Variants in MED12L observed in about 807,000 individuals in gnomAD.
MED12L encodes mediator complex subunit 12L.
MED12L carries 60 observed loss-of-function variants against 281.3 expected under a neutral mutation model. The ratio of observed to expected loss-of-function variants is 0.21; its 90% CI spans 0.17 to 0.26. The LOEUF is 0.26. MED12L is among the 10% of genes least tolerant of loss of function. The pLI, the probability that MED12L is intolerant of heterozygous loss-of-function variation, is 1.00. For missense variants in MED12L, 2,146 were observed against 2,680.9 expected, an observed-to-expected ratio of 0.80 and a Z score of 4.41; for synonymous variants, 974 against 987.2, an observed-to-expected ratio of 0.99 and a Z score of 0.25.
chr3:151,388,224 T>G, intron 37 of MED12L, 52 bp downstream of exon 37: 1 of 1,529,370 alleles, frequency 6.5e-7, no homozygotes, highest in Non-Finnish European at 8.7e-7. Flanking sequence ...TAGTATGAGA[T>G]TTACTCGTGC....
At chr3:151,190,354 T>A (rs1723811101) in intron 13 of MED12L, among the ~76,000 whole-genome samples, 1 of 152,070 alleles carries the variant, frequency 6.6e-6, no homozygotes, top group South Asian at 2.1e-4. Context: ...GTATTTTTGG[T>A]AGAGACGGGG....
intron 12 of MED12L, among the ~76,000 whole-genome samples, chr3:151,187,586 A>T (rs1723446106): frequency 2.0e-5 from 3 of 152,216 alleles, no homozygotes; most frequent in Admixed American, 2.0e-4. Flanking sequence ...GAATGATCAA[A>T]GGAATATAAC....
intron 5 of MED12L, among the ~76,000 whole-genome samples, chr3:151,154,358 A>T (rs1013116207): frequency 4.6e-5 from 7 of 152,208 alleles, no homozygotes; most frequent in African/African-American, 1.7e-4. Flanking sequence ...GCATATGTTT[A>T]TAGAAACATT....
intron 5 of MED12L, among the ~76,000 whole-genome samples, chr3:151,151,618 GAGAC>G (rs1323860078): frequency 6.6e-6 from 1 of 151,736 alleles, no homozygotes; most frequent in Non-Finnish European, 1.5e-5. Context: ...ATATGGGACA[GAGAC>G]AGGTTGATGC....
intron 16 of MED12L, among the ~76,000 whole-genome samples, chr3:151,257,880 C>T (rs973675134): frequency 2.0e-5 from 3 of 152,196 alleles, no homozygotes; most frequent in African/African-American, 7.2e-5. Flanking sequence ...CCTTCTCTCT[C>T]CCTACTACAG....
At chr3:151,193,021 T>C (rs1724188722) in intron 15 of MED12L, among the ~76,000 whole-genome samples, 1 of 152,206 alleles carries the variant, frequency 6.6e-6, no homozygotes, top group African/African-American at 2.4e-5. Context: ...TTATGCATTC[T>C]TCTACTTTAT....
chr3:151,153,549 G>A (rs894826451), intron 5 of MED12L, among the ~76,000 whole-genome samples: 9 of 140,710 alleles, frequency 6.4e-5, no homozygotes, highest in East Asian at 4.1e-4. Flanking sequence ...GTATGTATCC[G>A]TTTCTGTTTT....
chr3:151,165,796 A>T (rs1218703823), intron 10 of MED12L, 50 bp from the exon 11 acceptor site: 25 of 1,576,878 alleles, frequency 1.6e-5, no homozygotes, highest in Non-Finnish European at 2.2e-5. Context: ...CTGTGTTATA[A>T]CTGTGTTATT....
chr3:151,117,197 C>T (rs1488842858), intron 3 of MED12L, among the ~76,000 whole-genome samples: 3 of 151,324 alleles, frequency 2.0e-5, no homozygotes, highest in Non-Finnish European at 4.4e-5. Context: ...TTTAATTTGT[C>T]GTGTTATAAT....
At chr3:151,338,410 C>A (rs767114062) in intron 16 of MED12L, 2 of 1,613,960 alleles carry the variant, frequency 1.2e-6, no homozygotes, top group Admixed American at 3.3e-5. Flanking sequence ...CAGATGACAA[C>A]AGAGAGAATC....
intron 2 of MED12L, among the ~76,000 whole-genome samples, chr3:151,096,187 G>A (rs1389750102): frequency 2.0e-5 from 3 of 152,168 alleles, no homozygotes; most frequent in Admixed American, 6.5e-5. Context: ...TTATGAAATC[G>A]CTAGGCTGCT....
chr3:151,307,032 A>G (rs1426282556), intron 16 of MED12L, among the ~76,000 whole-genome samples: 2 of 152,232 alleles, frequency 1.3e-5, no homozygotes, highest in Non-Finnish European at 2.9e-5. Flanking sequence ...GATTGATTAT[A>G]TAGAGATATT....
At chr3:151,219,404 G>A (rs1348312258) in intron 16 of MED12L, 1 of 152,096 alleles carries the variant, frequency 6.6e-6, no homozygotes, top group African/African-American at 2.4e-5. Flanking sequence ...TTTTCCTCTT[G>A]TATTAGAACA....
At chr3:151,305,103 G>A (rs986602045) in intron 16 of MED12L, among the ~76,000 whole-genome samples, 18 of 152,132 alleles carry the variant, frequency 1.2e-4, no homozygotes, top group Admixed American at 4.6e-4. Context: ...CAGCTTCAGC[G>A]CTCCCTGTGT....
chr3:151,196,069 T>C (rs1374707159), intron 16 of MED12L, among the ~76,000 whole-genome samples: 1 of 152,220 alleles, frequency 6.6e-6, no homozygotes, highest in Non-Finnish European at 1.5e-5. Flanking sequence ...CCTCAGCTTC[T>C]TTATTCTGTT....
chr3:151,087,068 T>C (rs1452940001), intron 2 of MED12L, 43 bp downstream of exon 2: 1 of 1,508,228 alleles, frequency 6.6e-7, no homozygotes, highest in African/African-American at 1.4e-5. Context: ...GGCCGCGCTC[T>C]GCAGCACTGA....
At chr3:151,428,878 CATT>C (rs1266114621) in intron 43 of MED12L, among the ~76,000 whole-genome samples, 1 of 151,884 alleles carries the variant, frequency 6.6e-6, no homozygotes, top group Non-Finnish European at 1.5e-5. Context: ...GGAACTAAAA[CATT>C]ATTGTTTATT....
chr3:151,227,752 A>G (rs1332838563), intron 16 of MED12L, among the ~76,000 whole-genome samples: 1 of 152,268 alleles, frequency 6.6e-6, no homozygotes. Flanking sequence ...CTTGGTAGTC[A>G]GGATGGACCT....
chr3:151,140,409 C>T (rs1173089955), intron 5 of MED12L, among the ~76,000 whole-genome samples: 1 of 152,186 alleles, frequency 6.6e-6, no homozygotes, highest in African/African-American at 2.4e-5. Flanking sequence ...CTTTCTCCCC[C>T]TCCACCAGCC....
Sources: allele counts gnomAD v4.1 joint callset (sites outside exome capture counted in the v4.1 genomes callset), GRCh38; gene constraint gnomAD v4.1.1; transcripts MANE v1.5; gene names NCBI Gene and HGNC (gene_info 2026-07-23, HGNC 2026-07-21).